Variants in CWF19L2 observed in about 807,000 individuals in gnomAD.
CWF19L2 encodes the protein CWF19 like cell cycle control factor 2, also known as CWF19-like protein 2.
A neutral mutation model predicts 111.7 loss-of-function variants in CWF19L2; 98 were observed. The ratio of observed to expected loss-of-function variants is 0.88; its 90% CI spans 0.75 to 1.04. The LOEUF (loss-of-function observed/expected upper bound fraction) is 1.04, where lower values mean the gene tolerates loss of function less well. Ranked by LOEUF, CWF19L2 falls within the 50% of genes least tolerant of loss-of-function variation. The pLI, the probability that CWF19L2 is intolerant of heterozygous loss-of-function variation, is 0.00. For missense variants in CWF19L2, 1,101 were observed against 1,051.4 expected (o/e 1.05, Z -0.65); for synonymous variants, 351 against 342.9 (o/e 1.02, Z -0.26).
At chr11:107,333,635 T>C (rs943939253) in intron 16 of CWF19L2, among the ~76,000 whole-genome samples, 7 of 152,240 alleles carry the variant, frequency 4.6e-5, no homozygotes, top group Non-Finnish European at 1.0e-4. Flanking sequence ...TTTTTTAATA[T>C]GTTGTCTGGC....
At chr11:107,432,852 A>C (rs1337877510) in intron 7 of CWF19L2, among the ~76,000 whole-genome samples, 1 of 152,246 alleles carries the variant, frequency 6.6e-6, no homozygotes, top group African/African-American at 2.4e-5. Context: ...TGCAAAATGC[A>C]TTGGGCATAG....
At chr11:107,414,470 C>G (rs1337097695) in intron 10 of CWF19L2, among the ~76,000 whole-genome samples, 1 of 152,124 alleles carries the variant, frequency 6.6e-6, no homozygotes, top group East Asian at 1.9e-4. Context: ...ATTTAAATAT[C>G]ACTTACATGT....
In CWF19L2 at chr11:107,441,494, T is replaced by C; in HGVS notation, c.570+9A>G. The C allele has an allele frequency of 6.7e-7, 1 of 1,502,750 alleles. No individual in the cohort carries two copies. The highest frequency in any genetic ancestry group is 8.8e-7 in the Non-Finnish European group (1 of 1,130,630). The allele number at this position is 1,502,750 out of a possible 1,614,324, so 93.1% of individuals were successfully genotyped here. ...TTAGAAAGTTAAAGCATTTCAAATA[T>C]TCTCTTACCTGTTCAAGCGCTTGGT... On this transcript the variant is annotated intron_variant, in intron 5 of 17. Coordinates refer to ENST00000282251, the MANE Select transcript of CWF19L2 (RefSeq NM_152434.3).
In CWF19L2 at chr11:107,336,721, A is replaced by G. The variant is rs1411775047; in HGVS notation, c.2203-8T>C. ...CAATGATTTTCTGAACATCTAAAAA[A>G]AAAAAAGAACTAGGTAAAGAAAACA... On this transcript the variant is annotated splice_region_variant and splice_polypyrimidine_tract_variant and intron_variant, in intron 14 of 17. Coordinates refer to ENST00000282251, the MANE Select transcript of CWF19L2 (RefSeq NM_152434.3). 2.9e-6 allele frequency: 4 copies of G among 1,398,178 alleles called. No individual in the cohort carries two copies. The highest frequency in any genetic ancestry group is 3.8e-6 in the Non-Finnish European group (4 of 1,039,998). 86.6% of individuals were successfully genotyped at this position (1,398,178 alleles called of 1,614,324 possible).
At chr11:107,368,714 A>C (rs1860467919) in intron 12 of CWF19L2, among the ~76,000 whole-genome samples, 1 of 138,502 alleles carries the variant, frequency 7.2e-6, no homozygotes. Context: ...TTACCATTTA[A>C]GTATAAAAAC....
In CWF19L2 at chr11:107,429,126, A is replaced by G; in HGVS notation, c.1106T>C (p.Leu369Ser). ...FSFGNLRAKF[L>S]RPSDDEELSF... ...CAGTTCTTCATCATCAGAGGGTCTC[A>G]AGAATTTAGCTCTCAAATTGCCAAA... The change falls in exon 8 of 18, where the codon TTG becomes TCG. Residue 369 changes from leucine to serine, a missense_variant. Transcript: ENST00000282251. The G allele has an allele frequency of 2.5e-6, 4 of 1,613,794 alleles. No individual in the cohort carries two copies. The highest frequency in any genetic ancestry group is 3.4e-6 in the Non-Finnish European group (4 of 1,179,786).
chr11:107,404,228 G>T, intron 10 of CWF19L2: 1 of 777,548 alleles, frequency 1.3e-6, no homozygotes, highest in Non-Finnish European at 2.4e-6. Context: ...TACTCTTTCT[G>T]CTTCGTATCC....
intron 14 of CWF19L2, among the ~76,000 whole-genome samples, chr11:107,337,640 C>A (rs1030124932): frequency 6.6e-6 from 1 of 152,052 alleles, no homozygotes; most frequent in African/African-American, 2.4e-5. Context: ...TCTGGATGAG[C>A]GCGGTGGCTC....
chr11:107,378,545 C>T (rs1456118941), intron 12 of CWF19L2, among the ~76,000 whole-genome samples: 1 of 152,050 alleles, frequency 6.6e-6, no homozygotes, highest in Non-Finnish European at 1.5e-5. Flanking sequence ...CGTATTCTCA[C>T]GCATAGGTGG....
chr11:107,398,907 G>A (rs1014553766), intron 10 of CWF19L2, among the ~76,000 whole-genome samples: 11 of 152,144 alleles, frequency 7.2e-5, no homozygotes, highest in African/African-American at 2.7e-4. Flanking sequence ...ACATTTATCA[G>A]CCAAGAATTT....
In CWF19L2 at chr11:107,374,049, A is replaced by G. The variant is rs1182389343; in HGVS notation, c.1872+16025T>C. On this transcript the variant is annotated intron_variant, in intron 12 of 17. Coordinates refer to ENST00000282251, the MANE Select transcript of CWF19L2 (RefSeq NM_152434.3). Reference sequence around the variant, plus strand: ...TGGAAGATGAACTGAATGAAATGAAACGAGAAGGGAAGTTTAGAGAAAAAA... The same window carrying G: ...TGGAAGATGAACTGAATGAAATGAAGCGAGAAGGGAAGTTTAGAGAAAAAA... Among the ~76,000 whole-genome samples the G allele has an allele frequency of 2.6e-4, 35 of 136,378 alleles. 2 individuals are homozygous for G. The East Asian group carries it at 5.3e-3, about 21-fold the overall frequency. 89.5% of individuals were successfully genotyped at this position (136,378 alleles called of 152,430 possible).
intron 12 of CWF19L2, among the ~76,000 whole-genome samples, chr11:107,357,934 G>A (rs1295484514): frequency 6.6e-6 from 1 of 152,146 alleles, no homozygotes; most frequent in Non-Finnish European, 1.5e-5. Flanking sequence ...GAAAAGAGGA[G>A]CATGAAAATA....
At chr11:107,355,210 G>GT (rs1176003030) in intron 12 of CWF19L2, among the ~76,000 whole-genome samples, 3 of 152,230 alleles carry the variant, frequency 2.0e-5, no homozygotes, top group Admixed American at 6.5e-5. Context: ...AGGTCCAGGA[G>GT]TTTGAGACCA....
Position 107,326,844 on chromosome 11 carries a change from C to T in CWF19L2, c.*66G>A. 7.2e-7 allele frequency: 1 copy of T among 1,396,566 alleles called. No individual in the cohort carries two copies. The highest frequency in any genetic ancestry group is 1.4e-5 in the South Asian group (1 of 69,996). 86.5% of individuals were successfully genotyped at this position (1,396,566 alleles called of 1,614,324 possible). A position where few individuals can be genotyped will look rare whatever the true frequency, so the allele number is the denominator to read the frequency against. On this transcript the variant is annotated 3_prime_UTR_variant, in exon 18 of 18. Transcript: ENST00000282251. ...CCTGTGACCTGAGGGTCAGTTGCTTCATTAGATGCAATGGAAATAAAACTG... is the reference window on the plus strand; with the variant it reads ...CCTGTGACCTGAGGGTCAGTTGCTTTATTAGATGCAATGGAAATAAAACTG...
chr11:107,380,044 C>CCA, intron 12 of CWF19L2, among the ~76,000 whole-genome samples: 1 of 14,094 alleles, frequency 7.1e-5, no homozygotes, highest in Non-Finnish European at 1.0e-4. Context: ...GAGACACCGT[C>CCA]TCAAAAAAAA....
chr11:107,353,516 CT>C lies in CWF19L2; in HGVS notation c.2085+7del, dbSNP rs1167919018. 2 of 1,604,948 alleles carry C rather than the reference CT, an allele frequency of 1.2e-6. No homozygotes were observed. Among genetic ancestry groups the C allele is most frequent in the Admixed American group, 1.7e-5 (1 of 59,882 alleles). ...GAATGTAAGCAAAGGATAATAAATA[CT>C]TCTTACCTTAACACCTATTGCAACA... On this transcript the variant is annotated splice_region_variant and intron_variant, in intron 13 of 17. Transcript: ENST00000282251.
At chr11:107,352,293 A>ACTCTT (rs374017724) in intron 13 of CWF19L2, among the ~76,000 whole-genome samples, 10 of 151,942 alleles carry the variant, frequency 6.6e-5, no homozygotes, top group Admixed American at 3.3e-4. Context: ...GAAATGCAAG[A>ACTCTT]GCATTTATAT....
At chr11:107,404,466 C>G in intron 10 of CWF19L2, 2 of 768,322 alleles carry the variant, frequency 2.6e-6, no homozygotes, top group Non-Finnish European at 4.9e-6. Context: ...GGGTTCCCTC[C>G]CAGCCCTTAG....
intron 14 of CWF19L2, among the ~76,000 whole-genome samples, chr11:107,342,384 T>G (rs766749916): frequency 9.9e-5 from 15 of 152,272 alleles, no homozygotes; most frequent in African/African-American, 3.1e-4. Context: ...TTTCTTAAAT[T>G]TCTCCTGAAA....
Sources: gnomAD v4.1 joint callset for allele counts (sites outside exome capture counted in the v4.1 genomes callset) on GRCh38, gnomAD v4.1.1 for gene constraint, MANE v1.5 for transcripts, NCBI Gene and HGNC (gene_info 2026-07-23, HGNC 2026-07-21) for gene names.